AP3B2: variants seen among roughly 807,000 people sequenced by gnomAD.
The protein encoded by AP3B2 is adaptor related protein complex 3 subunit beta 2, also known as AP-3 complex subunit beta-2.
Under a neutral mutation model 126.9 loss-of-function variants are expected in AP3B2, and 50 were observed. The ratio of observed to expected loss-of-function variants is 0.39; its 90% CI spans 0.31 to 0.50. The LOEUF is 0.50. Ranked by LOEUF, AP3B2 falls within the 20% of genes least tolerant of loss-of-function variation. The probability of loss-of-function intolerance (pLI) is 0.79; values close to 1 mark genes in which losing one functional copy is unlikely to be tolerated. For synonymous variants in AP3B2, 541 were observed against 565.0 expected (o/e 0.96, Z 0.60); for missense variants, 1,177 against 1,426.4 (o/e 0.83, Z 2.82).
Position 82,709,750 on chromosome 15 carries a change from G to GGA in AP3B2, c.-46_-45dup. ...TCGCCGAGGAGGAGGTTGCGGGGCC[G>GGA]GAGGCCGGCTGGAGCGGAGGAAGGG... On this transcript the variant is annotated 5_prime_UTR_variant, in exon 1 of 27. Transcript: ENST00000535359. 7.1e-7 allele frequency: 1 copy of GGA among 1,411,408 alleles called. No individual in the cohort carries two copies. Among genetic ancestry groups the GGA allele is most frequent in the Non-Finnish European group, 9.3e-7 (1 of 1,071,692 alleles). 87.4% of individuals were successfully genotyped at this position (1,411,408 alleles called of 1,614,324 possible).
In AP3B2 at chr15:82,681,100, C is replaced by G; in HGVS notation, c.588+12G>C. ...GGTCACCACCCCTCCCGGAGCGCCC[C>G]TATACACGCACCGTGGTCTTGTCAG... On this transcript the variant is annotated intron_variant, in intron 6 of 26. Coordinates refer to ENST00000535359, the MANE Select transcript of AP3B2 (RefSeq NM_001278512.2). The surrounding 1 kb of genome is among the most constrained non-coding windows in gnomAD (Gnocchi z 4.0). The G allele has an allele frequency of 6.2e-7, 1 of 1,613,584 alleles. No homozygotes were observed. Among genetic ancestry groups the G allele is most frequent in the African/African-American group, 1.3e-5 (1 of 75,048 alleles).
In AP3B2 at chr15:82,680,048, C is replaced by A; in HGVS notation, c.1110+127G>T. 7.3e-7 allele frequency: 1 copy of A among 1,361,274 alleles called. No homozygotes were observed. The allele number at this position is 1,361,274 out of a possible 1,614,324, so 84.3% of individuals were successfully genotyped here. On this transcript the variant is annotated intron_variant, in intron 9 of 26. Transcript: ENST00000535359. This position sits in a 1 kb window ranked among gnomAD's most constrained non-coding sequence, Gnocchi z 6.1. ...GTATTTGGAGCCTCCCCTGCCCCAT[C>A]CTCTGCACAGCCAGGGTATTCCTCC...
Position 82,681,012 on chromosome 15 carries a change from G to A in AP3B2, c.596C>T (p.Ala199Val). Residue 199 changes from alanine to valine, a missense_variant, in exon 7 of 27, where the codon GCG becomes GTG. This residue lies in a region of AP3B2 where 130 missense variants were observed against 262.0 expected (regional missense o/e 0.50). Coordinates refer to ENST00000535359, the MANE Select transcript of AP3B2 (RefSeq NM_001278512.2). The surrounding 1 kb of genome is among the most constrained non-coding windows in gnomAD (Gnocchi z 4.0). Reference protein sequence around the residue: ...KLLADKTTLVAGSVVMAFEEV... With the variant: ...KLLADKTTLVVGSVVMAFEEV... ...CTCAAAGGCCATCACCACACTGCCCGCCACCAGCTGGGGAAAGAACAAAGA... is the reference window on the plus strand; with the variant it reads ...CTCAAAGGCCATCACCACACTGCCCACCACCAGCTGGGGAAAGAACAAAGA... 2 of 1,613,660 alleles carry A rather than the reference G, an allele frequency of 1.2e-6. No homozygotes were observed. The highest frequency in any genetic ancestry group is 1.7e-6 in the Non-Finnish European group (2 of 1,179,866).
chr15:82,664,122 G>A lies in AP3B2; in HGVS notation c.2262-147C>T, dbSNP rs541843557. 4.9e-4 allele frequency: 678 copies of A among 1,382,634 alleles called. 1 individual carries two copies. The highest frequency in any genetic ancestry group is 6.4e-4 in the Admixed American group (24 of 37,718). The allele number at this position is 1,382,634 out of a possible 1,614,324, so 85.6% of individuals were successfully genotyped here. On this transcript the variant is annotated intron_variant, in intron 19 of 26. Transcript: ENST00000535359. This position sits in a 1 kb window ranked among gnomAD's most constrained non-coding sequence, Gnocchi z 4.5. ...CCTGAGGTCCTATAGCAGGGACCCC[G>A]TGAGAGCTTGAAGCCAGCTTGTGCC...
chr15:82,665,475 T>C lies in AP3B2; in HGVS notation c.1953A>G (p.Pro651=). The change falls in exon 16 of 27, where the codon CCA becomes CCG. Residue 651 remains proline (P), a synonymous_variant. Transcript: ENST00000535359. This position sits in a 1 kb window ranked among gnomAD's most constrained non-coding sequence, Gnocchi z 4.4. ...CGCTGACCTCCACGTTGCGCACAGATGGGTCTGGGGCTTCCTCCGGCCAGT... is the reference window on the plus strand; with the variant it reads ...CGCTGACCTCCACGTTGCGCACAGACGGGTCTGGGGCTTCCTCCGGCCAGT... ...LPDWPEEAPD[P]SVRNVEEEDL... is the part of the protein sequence containing the mutation. 1 of 1,612,146 alleles carries C rather than the reference T, an allele frequency of 6.2e-7. No individual in the cohort carries two copies. The highest frequency in any genetic ancestry group is 8.5e-7 in the Non-Finnish European group (1 of 1,179,460).
At chr15:82,709,533 G>C (rs2151466121) in intron 1 of AP3B2, 61 bp downstream of exon 1, 1 of 1,266,686 alleles carries the variant, frequency 7.9e-7, no homozygotes, top group Non-Finnish European at 1.0e-6. Flanking sequence ...CATGGTGCCC[G>C]CGCGCCTCGC....
chr15:82,697,703 G>A lies in AP3B2; in HGVS notation c.114-8250C>T, dbSNP rs892277437. Among the ~76,000 whole-genome samples the A allele has an allele frequency of 3.3e-5, 5 of 152,198 alleles. No individual in the cohort carries two copies. In the South Asian group the frequency reaches 6.2e-4, roughly 19 times the overall value. On this transcript the variant is annotated intron_variant, in intron 1 of 26. Coordinates refer to ENST00000535359, the MANE Select transcript of AP3B2 (RefSeq NM_001278512.2). ...GATGATGCCTTCCAGCATTATCTGAGGCCCTCGCTATCTGTCATGTGAGGA... is the reference window on the plus strand; with the variant it reads ...GATGATGCCTTCCAGCATTATCTGAAGCCCTCGCTATCTGTCATGTGAGGA...
chr15:82,672,025 C>A (rs568530486), intron 14 of AP3B2, among the ~76,000 whole-genome samples: 21 of 152,306 alleles, frequency 1.4e-4, no homozygotes, highest in Non-Finnish European at 1.5e-5. Flanking sequence ...GCCTGGGTGA[C>A]AGTGCAAGAC....
In AP3B2 at chr15:82,708,859, A is replaced by T. The variant is rs568263825; in HGVS notation, c.113+735T>A. ...CCCCCATTACACTCGACTGTCCCTG[A>T]CTGCTTCTTCATCTGTGCTCCCCTC... is the stretch of plus-strand genomic sequence containing the variant. On this transcript the variant is annotated intron_variant, in intron 1 of 26. Coordinates refer to ENST00000535359, the MANE Select transcript of AP3B2 (RefSeq NM_001278512.2). The T allele has an allele frequency of 4.6e-5, 7 of 152,460 alleles. No homozygotes were observed. In the East Asian group the frequency reaches 1.2e-3, roughly 25 times the overall value. The allele number at this position is 152,460 out of a possible 1,614,324, so 9.4% of individuals were successfully genotyped here.
At chr15:82,679,643 C>A in intron 10 of AP3B2, 86 bp downstream of exon 10, 1 of 1,274,640 alleles carries the variant, frequency 7.8e-7, no homozygotes, top group Admixed American at 1.8e-5. Flanking sequence ...AATAGGCAGG[C>A]ACCAGGGGGG....
chr15:82,679,664 T>G, intron 10 of AP3B2, 65 bp downstream of exon 10: 1 of 1,471,796 alleles, frequency 6.8e-7, no homozygotes, highest in South Asian at 1.1e-5. Flanking sequence ...CCACTGTGAG[T>G]TATTTGAGTG....
Position 82,680,795 on chromosome 15 carries a change from G to A in AP3B2, c.772-40C>T, listed in dbSNP as rs772479635. ...CGACGGGTCTGTGGGCGCCTCCCCG[G>A]GACACACTTCGGCCCGCTCTGCCTG... On this transcript the variant is annotated intron_variant, in intron 7 of 26. Transcript: ENST00000535359. The surrounding 1 kb of genome is among the most constrained non-coding windows in gnomAD (Gnocchi z 6.1). 8 of 1,609,038 alleles carry A rather than the reference G, an allele frequency of 5.0e-6. No homozygotes were observed. The highest frequency in any genetic ancestry group is 2.2e-5 in the East Asian group (1 of 44,828).
Position 82,663,952 on chromosome 15 carries a change from T to C in AP3B2, c.2285A>G (p.Lys762Arg). Reference sequence around the variant, plus strand: ...TGGCACCTTCTTCTTTGTCTTCCTCTTACCATCCTCCTCACTCTGTTCACT... The same window carrying C: ...TGGCACCTTCTTCTTTGTCTTCCTCCTACCATCCTCCTCACTCTGTTCACT... The part of the protein sequence containing the change: ...SESEQSEEDG[K>R]RKTKKKVPER... Residue 762 changes from lysine to arginine, a missense_variant, in exon 20 of 27, where the codon AAG (lysine) becomes AGG (arginine). By Grantham distance (26) the Lys-to-Arg change is conservative (BLOSUM62 2). Around this residue, in one of 5 missense-constraint regions of AP3B2, gnomAD observed 587 missense variants for 571.3 expected, o/e 1.03. Transcript: ENST00000535359. 1 of 1,606,372 alleles carries C rather than the reference T, an allele frequency of 6.2e-7. No individual in the cohort carries two copies. The highest frequency in any genetic ancestry group is 8.5e-7 in the Non-Finnish European group (1 of 1,179,776).
chr15:82,707,381 T>G (rs1258239882), intron 1 of AP3B2, among the ~76,000 whole-genome samples: 1 of 152,206 alleles, frequency 6.6e-6, no homozygotes, highest in Non-Finnish European at 1.5e-5. Flanking sequence ...GTATAGATGC[T>G]CCTTTTTATT....
chr15:82,670,870 C>G (rs80304711), intron 14 of AP3B2, among the ~76,000 whole-genome samples: 1 of 152,068 alleles, frequency 6.6e-6, no homozygotes, highest in African/African-American at 2.4e-5. Context: ...TTCAATAATC[C>G]AATTTAAAAA....
At position 82,681,604 on chromosome 15, in the gene AP3B2, G is replaced by A. The variant is rs780537796; in HGVS notation, c.361-24C>T. 4 of 1,607,422 alleles carry A rather than the reference G, an allele frequency of 2.5e-6. No homozygotes were observed. The highest frequency in any genetic ancestry group is 3.4e-6 in the Non-Finnish European group (4 of 1,178,000). On this transcript the variant is annotated intron_variant, in intron 4 of 26. Transcript: ENST00000535359. This position sits in a 1 kb window ranked among gnomAD's most constrained non-coding sequence, Gnocchi z 4.0. Reference sequence around the variant, plus strand: ...TCCTAAAGGCAGAGGTGGAGGCAGAGCTATGAAAGGGCACCAGGTGCCCTG... The same window carrying A: ...TCCTAAAGGCAGAGGTGGAGGCAGAACTATGAAAGGGCACCAGGTGCCCTG...
intron 1 of AP3B2, among the ~76,000 whole-genome samples, chr15:82,706,042 C>T (rs2048790215): frequency 2.0e-5 from 3 of 152,198 alleles, no homozygotes; most frequent in South Asian, 4.1e-4. Flanking sequence ...AGAGCTGGGA[C>T]CACGCCCTGT....
At chr15:82,695,493 T>G (rs1324187916) in intron 1 of AP3B2, among the ~76,000 whole-genome samples, 1 of 152,050 alleles carries the variant, frequency 6.6e-6, no homozygotes, top group Non-Finnish European at 1.5e-5. Context: ...ATGCGATCAA[T>G]CATGAAGCCT....
At chr15:82,670,612 CATT>C (rs1363214751) in intron 14 of AP3B2, among the ~76,000 whole-genome samples, 1 of 152,092 alleles carries the variant, frequency 6.6e-6, no homozygotes, top group African/African-American at 2.4e-5. Flanking sequence ...TAAAAGAAAA[CATT>C]AGAGAAATTC....
Sources: gnomAD v4.1 joint callset for allele counts (sites outside exome capture counted in the v4.1 genomes callset) on GRCh38, gnomAD v4.1.1 for gene constraint, gnomAD v4.1.1 regional missense constraint, Gnocchi (gnomAD v3.1) non-coding constraint, MANE v1.5 for transcripts, NCBI Gene and HGNC (gene_info 2026-07-23, HGNC 2026-07-21) for gene names.